Variants in KIAA0586 observed in about 807,000 individuals in gnomAD.
KIAA0586 encodes KIAA0586.
KIAA0586 carries 144 observed loss-of-function variants against 169.8 expected under a neutral mutation model. The ratio of observed to expected loss-of-function variants is 0.85; its 90% CI spans 0.74 to 0.97. The LOEUF is 0.97. Ranked by LOEUF, KIAA0586 falls within the 50% of genes least tolerant of loss-of-function variation. KIAA0586 has a pLI of 0.00. For synonymous variants in KIAA0586, 625 were observed against 612.4 expected, an observed-to-expected ratio of 1.02 and a Z score of -0.30; for missense variants, 1,854 against 1,823.0, an observed-to-expected ratio of 1.02 and a Z score of -0.31.
rs368625646 is a variant in KIAA0586 at position 58,538,865 on chromosome 14, T to C, written c.4430-1206T>C. On this transcript the variant is annotated intron_variant, in intron 29 of 30. Transcript: ENST00000652326. ...CACCATCTTGGCTCACTGCAACCTC[T>C]GCCTCCTGGACTCAAGCCATCCTCC... Among the ~76,000 whole-genome samples, 4 of 152,190 alleles carry C rather than the reference T, an allele frequency of 2.6e-5. 1 individual carries two copies.
chr14:58,537,133 C>T (rs1595529193), intron 29 of KIAA0586: 1 of 1,115,066 alleles, frequency 9.0e-7, no homozygotes, highest in East Asian at 8.3e-5. Flanking sequence ...AATACTCACC[C>T]TTCCAGTAAA....
chr14:58,560,533 G>A, the KIAA0586 span, among the ~76,000 whole-genome samples: 3 of 152,172 alleles, frequency 2.0e-5, no homozygotes, highest in African/African-American at 7.2e-5. Context: ...TGTTAAATGC[G>A]AGGTGTCCTG....
At chr14:58,457,505 T>C (rs2039968074) in intron 10 of KIAA0586, among the ~76,000 whole-genome samples, 1 of 152,194 alleles carries the variant, frequency 6.6e-6, no homozygotes, top group African/African-American at 2.4e-5. Flanking sequence ...TGACCTCAGG[T>C]GATCCACCTG....
chr14:58,504,304 TG>T (rs2043783871), intron 27 of KIAA0586, among the ~76,000 whole-genome samples: 1 of 152,174 alleles, frequency 6.6e-6, no homozygotes, highest in South Asian at 2.1e-4. Context: ...TTCATTTGAA[TG>T]TGAGCAGTAC....
At chr14:58,450,099 C>T (rs1452742204) in intron 7 of KIAA0586, among the ~76,000 whole-genome samples, 3 of 152,050 alleles carry the variant, frequency 2.0e-5, no homozygotes, top group Non-Finnish European at 4.4e-5. Flanking sequence ...TCTACTTGAC[C>T]ATTATCCTGT....
chr14:58,544,614 G>A (rs911446640), intron 30 of KIAA0586, among the ~76,000 whole-genome samples: 2 of 152,136 alleles, frequency 1.3e-5, no homozygotes, highest in African/African-American at 4.8e-5. Context: ...TTTCTCTAAT[G>A]AGCAGTGATA....
At chr14:58,480,347 A>T (rs200747879) in intron 20 of KIAA0586, among the ~76,000 whole-genome samples, 5 of 392 alleles carry the variant, frequency 0.013, no homozygotes, top group African/African-American at 0.015. Flanking sequence ...TTCCTCTTTT[A>T]AAAAAAAAAA....
At chr14:58,493,877 A>G (rs2042984236) in intron 26 of KIAA0586, among the ~76,000 whole-genome samples, 1 of 152,112 alleles carries the variant, frequency 6.6e-6, no homozygotes, top group African/African-American at 2.4e-5. Context: ...TGGAAAGGAG[A>G]GAGAAAGAGG....
intron 29 of KIAA0586, among the ~76,000 whole-genome samples, chr14:58,532,357 A>G (rs558974100): frequency 1.3e-5 from 2 of 152,148 alleles, no homozygotes; most frequent in Non-Finnish European, 2.9e-5. Flanking sequence ...GAAAGATTTA[A>G]TGGAACAGGA....
chr14:58,538,235 A>G (rs1487739759), intron 29 of KIAA0586, among the ~76,000 whole-genome samples: 3 of 152,158 alleles, frequency 2.0e-5, no homozygotes, highest in African/African-American at 7.2e-5. Flanking sequence ...AATATATGTA[A>G]CTTGTATTTG....
In KIAA0586 at chr14:58,549,295, A is replaced by G. The variant is rs561255048; in HGVS notation, c.*1363A>G. ...ATACTAATGCCTGGGCCTTGTACCA[A>G]GGGATTTCAATTTAATTGATCTTGG... On this transcript the variant is annotated 3_prime_UTR_variant, in exon 31 of 31. Transcript: ENST00000652326. The G allele has an allele frequency of 1.8e-3, 268 of 152,176 alleles. No individual in the cohort carries two copies. Among genetic ancestry groups the G allele is most frequent in the African/African-American group, 6.2e-3 (258 of 41,534 alleles). 9.4% of individuals were successfully genotyped at this position (152,176 alleles called of 1,614,324 possible).
intron 3 of KIAA0586, among the ~76,000 whole-genome samples, chr14:58,431,363 A>C (rs1004738133): frequency 6.6e-6 from 1 of 152,128 alleles, no homozygotes; most frequent in Non-Finnish European, 1.5e-5. Context: ...CCCGGGTTCA[A>C]GCAATTGTCC....
At chr14:58,525,838 AG>A (rs948030131) in intron 29 of KIAA0586, among the ~76,000 whole-genome samples, 36 of 151,956 alleles carry the variant, frequency 2.4e-4, no homozygotes, top group African/African-American at 8.5e-4. Context: ...CCAGCACAGC[AG>A]TCTGAAGTCG....
chr14:58,436,491 C>T (rs140429073), intron 4 of KIAA0586, among the ~76,000 whole-genome samples: 45 of 152,164 alleles, frequency 3.0e-4, no homozygotes, highest in African/African-American at 1.1e-3. Flanking sequence ...GAAGACTAAG[C>T]GCTGTAAAAA....
chr14:58,446,012 A>G (rs1258445195), intron 6 of KIAA0586, among the ~76,000 whole-genome samples: 3 of 150,072 alleles, frequency 2.0e-5, no homozygotes, highest in Admixed American at 6.6e-5. Context: ...GGGATTACAG[A>G]CGCCCACCAC....
intron 27 of KIAA0586, among the ~76,000 whole-genome samples, chr14:58,500,644 G>A (rs1459140044): frequency 1.3e-5 from 2 of 151,498 alleles, no homozygotes; most frequent in African/African-American, 4.9e-5. Flanking sequence ...GGCTCAGAGG[G>A]CAGAGGGCAG....
intron 4 of KIAA0586, among the ~76,000 whole-genome samples, chr14:58,436,224 T>A (rs964355072): frequency 6.6e-6 from 1 of 152,154 alleles, no homozygotes; most frequent in African/African-American, 2.4e-5. Flanking sequence ...TATTGTGTAT[T>A]CAGAATATCC....
chr14:58,430,596 A>G (rs2037280901), intron 2 of KIAA0586, 52 bp from the exon 3 acceptor site: 3 of 1,147,878 alleles, frequency 2.6e-6, no homozygotes. Context: ...TTCTTGATAA[A>G]TAATAAATCA....
At chr14:58,454,419 A>G (rs1454919375) in intron 9 of KIAA0586, among the ~76,000 whole-genome samples, 4 of 152,204 alleles carry the variant, frequency 2.6e-5, no homozygotes, top group African/African-American at 9.6e-5. Context: ...GCTCTTTTAA[A>G]TCAGATAGGA....
Sources: gnomAD v4.1 joint callset for allele counts (sites outside exome capture counted in the v4.1 genomes callset) on GRCh38, gnomAD v4.1.1 for gene constraint, MANE v1.5 for transcripts, NCBI Gene and HGNC (gene_info 2026-07-23, HGNC 2026-07-21) for gene names.